The following PAK3 variants were observed in gnomAD, a reference collection of about 807,000 sequenced individuals.
PAK3 encodes p21 (RAC1) activated kinase 3.
Under a neutral mutation model 41.0 loss-of-function variants are expected in PAK3, and 4 were observed. The ratio of observed to expected loss-of-function variants is 0.10; its 90% CI spans 0.05 to 0.22. The LOEUF is 0.22. Ranked by LOEUF, PAK3 falls within the 10% of genes least tolerant of loss-of-function variation. PAK3 has a pLI of 1.00. For missense variants in PAK3, 205 were observed against 409.9 expected (o/e 0.50, Z 4.32); for synonymous variants, 146 against 139.6 (o/e 1.05, Z -0.32).
chrX:111,161,942 C>T (rs2149190809), intron 8 of PAK3, among the ~76,000 whole-genome samples: 1 of 111,641 alleles, frequency 9.0e-6, no homozygotes, highest in South Asian at 3.8e-4. Flanking sequence ...TTAGTTACTG[C>T]CATGTTAAAC....
Position 111,064,929 on chromosome X carries a change from C to T in PAK3, c.-27-58148C>T, listed in dbSNP as rs1385025491. ...TCCCACCAGCAATGTATAAGTGTTC[C>T]CTTTAAAGACTTTTGGTGGAGTCTT... On this transcript the variant is annotated intron_variant, in intron 1 of 14. Transcript: ENST00000425146. Among the ~76,000 whole-genome samples the T allele has an allele frequency of 3.6e-5, 4 of 112,399 alleles. No homozygotes were observed. The Admixed American group carries it at 3.8e-4, about 11-fold the overall frequency.
chrX:111,107,281 GA>G (rs2093285644), intron 4 of PAK3, among the ~76,000 whole-genome samples: 1 of 112,132 alleles, frequency 8.9e-6, no homozygotes, highest in African/African-American at 3.2e-5. Context: ...TCAAGGAAAG[GA>G]AAGAGAAGGT....
intron 11 of PAK3, among the ~76,000 whole-genome samples, 165 bp from the exon 12 acceptor site, chrX:111,191,962 T>C (rs2094564221): frequency 9.0e-6 from 1 of 111,249 alleles, no homozygotes; most frequent in Non-Finnish European, 1.9e-5. Context: ...CCTGTGTTTT[T>C]TTTTAATCAC....
intron 1 of PAK3, among the ~76,000 whole-genome samples, chrX:110,962,479 C>A (rs2090999756): frequency 8.9e-6 from 1 of 112,857 alleles, no homozygotes; most frequent in African/African-American, 3.2e-5. Context: ...CAGCCTCCTT[C>A]AAGCTGTCTT....
At chrX:111,100,536 C>T (rs1202507373) in intron 3 of PAK3, among the ~76,000 whole-genome samples, 1 of 111,488 alleles carries the variant, frequency 9.0e-6, no homozygotes, top group Non-Finnish European at 1.9e-5. Context: ...GCAAGTCCTT[C>T]TCCTTGCATA....
rs2094935534 is a variant in PAK3 at position 111,222,954 on chromosome X, A to G, written c.*2507A>G. The stretch of plus-strand genomic sequence containing the variant: ...GCATTACTTTTATAAATTTGTATTC[A>G]TGTAAATTTTCAAATGAGAACAGCT... On this transcript the variant is annotated 3_prime_UTR_variant, in exon 18 of 18. Coordinates refer to ENST00000372007, the MANE Select transcript of PAK3 (RefSeq NM_002578.5). The G allele has an allele frequency of 9.0e-6, 1 of 111,571 alleles. No homozygotes were observed. The highest frequency in any genetic ancestry group is 3.3e-5 in the African/African-American group (1 of 30,685). 9.2% of individuals were successfully genotyped at this position (111,571 alleles called of 1,213,427 possible). A position where few individuals can be genotyped will look rare whatever the true frequency, so the allele number is the denominator to read the frequency against.
intron 11 of PAK3, among the ~76,000 whole-genome samples, chrX:111,179,026 T>G (rs1460683939): frequency 3.8e-5 from 4 of 106,084 alleles, no homozygotes; most frequent in East Asian, 2.9e-4. Context: ...TATATATATA[T>G]ATATATGGTT....
chrX:111,124,015 G>T (rs1381656253), intron 5 of PAK3, among the ~76,000 whole-genome samples: 1 of 111,756 alleles, frequency 8.9e-6, no homozygotes, highest in African/African-American at 3.3e-5. Context: ...AAGTACAAGG[G>T]CACTGACACC....
intron 1 of PAK3, among the ~76,000 whole-genome samples, chrX:111,027,953 G>A (rs1324190170): frequency 2.0e-5 from 2 of 101,547 alleles, no homozygotes; most frequent in Non-Finnish European, 4.0e-5. Context: ...TAAAGAAAAT[G>A]TGATATGTGT....
intron 1 of PAK3, among the ~76,000 whole-genome samples, chrX:111,066,574 T>C (rs967924916): frequency 8.9e-6 from 1 of 111,951 alleles, no homozygotes; most frequent in African/African-American, 3.3e-5. Flanking sequence ...AAATGTCTAT[T>C]AGGTCCAATA....
At chrX:111,149,558 A>G (rs1396832855) in intron 7 of PAK3, among the ~76,000 whole-genome samples, 2 of 112,075 alleles carry the variant, frequency 1.8e-5, no homozygotes, top group African/African-American at 3.3e-5. Flanking sequence ...CCAAACCTCA[A>G]TTCTTGACTT....
chrX:110,992,855 T>C (rs1179942245), intron 1 of PAK3, among the ~76,000 whole-genome samples: 1 of 111,822 alleles, frequency 8.9e-6, no homozygotes, highest in Non-Finnish European at 1.9e-5. Flanking sequence ...AATAAGTGCA[T>C]ACCTTCCGCA....
intron 4 of PAK3, 33 bp from the exon 5 acceptor site, chrX:111,123,044 C>A: frequency 1.1e-6 from 1 of 906,453 alleles, no homozygotes; most frequent in Non-Finnish European, 1.6e-6. Context: ...CCTCTTCTCC[C>A]TCAACTCCTT....
intron 1 of PAK3, among the ~76,000 whole-genome samples, chrX:111,066,275 A>G (rs1277223639): frequency 2.7e-5 from 3 of 112,083 alleles, no homozygotes. Flanking sequence ...TATTTCAAAC[A>G]ATCTTTTGAT....
At chrX:110,946,341 G>A (rs892246347) in intron 1 of PAK3, among the ~76,000 whole-genome samples, 1 of 36,181 alleles carries the variant, frequency 2.8e-5, no homozygotes, top group Non-Finnish European at 6.5e-5. Flanking sequence ...CTGGTTTGGA[G>A]TGATGACTGG....
At chrX:111,029,066 G>A (rs1015961124) in intron 1 of PAK3, among the ~76,000 whole-genome samples, 4 of 111,779 alleles carry the variant, frequency 3.6e-5, no homozygotes, top group Non-Finnish European at 7.5e-5. Flanking sequence ...GAGCCCAGGA[G>A]ATGCAGGCTG....
intron 1 of PAK3, among the ~76,000 whole-genome samples, chrX:110,966,416 A>G (rs1225651791): frequency 9.0e-6 from 1 of 110,734 alleles, no homozygotes; most frequent in Non-Finnish European, 1.9e-5. Context: ...TATGTGAAAG[A>G]AAGGGAGGGA....
chrX:111,016,111 T>C (rs142218107), intron 1 of PAK3, among the ~76,000 whole-genome samples: 2,292 of 112,721 alleles, frequency 0.02, 27 homozygotes, highest in Middle Eastern at 0.055. Flanking sequence ...GCCACGCACA[T>C]AGTAGGTGCT....
At chrX:111,100,987 T>C (rs1009853089) in intron 3 of PAK3, among the ~76,000 whole-genome samples, 5 of 111,931 alleles carry the variant, frequency 4.5e-5, no homozygotes, top group Non-Finnish European at 1.9e-5. Context: ...CATAAAGATA[T>C]GACACAATAC....
Sources: allele counts gnomAD v4.1 joint callset (sites outside exome capture counted in the v4.1 genomes callset), GRCh38; gene constraint gnomAD v4.1.1; transcripts MANE v1.5; gene names NCBI Gene and HGNC (gene_info 2026-07-23, HGNC 2026-07-21).